The following DRC8 variants were observed in gnomAD, a reference collection of about 807,000 sequenced individuals.
DRC8 encodes the protein dynein regulatory complex subunit 8, also known as dynein regulatory complex protein 8.
the DRC8 span, chr1:244,970,604 T>G: frequency 2.6e-6 from 2 of 779,172 alleles, no homozygotes; most frequent in Non-Finnish European, 1.8e-6. Context: ...GCAGTCGCCC[T>G]GCCCCCGTCC....
chr1:244,983,816 T>C, the DRC8 span, among the ~76,000 whole-genome samples: 10 of 151,966 alleles, frequency 6.6e-5, no homozygotes, highest in African/African-American at 2.4e-4. Context: ...TTAATACTTA[T>C]GGTCACTATG....
the DRC8 span, among the ~76,000 whole-genome samples, chr1:245,039,113 A>G: frequency 6.7e-6 from 1 of 148,518 alleles, no homozygotes; most frequent in African/African-American, 2.5e-5. Context: ...CATTATTCAC[A>G]ATAGCCAATA....
the DRC8 span, among the ~76,000 whole-genome samples, chr1:245,048,159 GTGT>G: frequency 6.6e-6 from 1 of 152,122 alleles, no homozygotes. Flanking sequence ...AAGTGGGCTT[GTGT>G]TGTTCACACC....
chr1:245,069,337 T>C, the DRC8 span, among the ~76,000 whole-genome samples: 1 of 152,132 alleles, frequency 6.6e-6, no homozygotes, highest in Non-Finnish European at 1.5e-5. Context: ...AGCAAAAATA[T>C]AGTTACTATC....
At chr1:245,090,001 A>G in the DRC8 span, among the ~76,000 whole-genome samples, 10 of 152,186 alleles carry the variant, frequency 6.6e-5, no homozygotes, top group Non-Finnish European at 1.5e-4. Flanking sequence ...TGGGAGAAAG[A>G]GTTGAGAAAG....
chr1:245,104,503 T>TA, the DRC8 span, among the ~76,000 whole-genome samples: 16,434 of 117,596 alleles, frequency 0.14, 1,624 homozygotes, highest in African/African-American at 0.3. Context: ...GACTCTGTCA[T>TA]AAAAAAAAAA....
the DRC8 span, chr1:245,059,576 C>T: frequency 5.5e-6 from 4 of 722,426 alleles, no homozygotes; most frequent in Non-Finnish European, 9.0e-6. Context: ...TGAATGTGCT[C>T]AGTGGAAATA....
At chr1:245,029,827 C>T in the DRC8 span, among the ~76,000 whole-genome samples, 1 of 151,434 alleles carries the variant, frequency 6.6e-6, no homozygotes, top group South Asian at 2.1e-4. Context: ...AACTCCTGGC[C>T]TCAAGTGATC....
chr1:244,986,693 C>T, the DRC8 span, among the ~76,000 whole-genome samples: 5 of 150,106 alleles, frequency 3.3e-5, no homozygotes, highest in East Asian at 9.8e-4. Flanking sequence ...ATGATCACAC[C>T]TGTGAATAGC....
At chr1:244,975,860 A>AAAATAAAT in the DRC8 span, among the ~76,000 whole-genome samples, 3 of 152,034 alleles carry the variant, frequency 2.0e-5, no homozygotes, top group East Asian at 3.9e-4. Context: ...ACTCTGTCTC[A>AAAATAAAT]AAATAAATAA....
the DRC8 span, among the ~76,000 whole-genome samples, chr1:245,027,812 A>AT: frequency 2.8e-5 from 4 of 143,406 alleles, no homozygotes; most frequent in East Asian, 2.0e-4. Flanking sequence ...ACATTTTCTC[A>AT]TTTTTTTCTC....
At chr1:245,061,187 A>C in the DRC8 span, among the ~76,000 whole-genome samples, 1 of 152,344 alleles carries the variant, frequency 6.6e-6, no homozygotes. Context: ...GCTTCGTTTC[A>C]CATCTGCAAA....
At chr1:244,970,381 T>C in the DRC8 span, 2 of 1,533,740 alleles carry the variant, frequency 1.3e-6, no homozygotes, top group South Asian at 2.4e-5. Context: ...GCCGAGGTTA[T>C]CGTTAGGCAT....
the DRC8 span, among the ~76,000 whole-genome samples, chr1:244,978,421 A>G: frequency 6.8e-6 from 1 of 147,004 alleles, no homozygotes; most frequent in Non-Finnish European, 1.5e-5. Context: ...TGAACCCGGG[A>G]GGCGGAGGTT....
chr1:244,990,754 G>A, the DRC8 span, among the ~76,000 whole-genome samples: 1 of 151,738 alleles, frequency 6.6e-6, no homozygotes, highest in African/African-American at 2.4e-5. Context: ...TCCCACCTCA[G>A]CCTTCCTAGC....
At chr1:245,082,134 G>T in the DRC8 span, 2 of 1,612,896 alleles carry the variant, frequency 1.2e-6, no homozygotes, top group Admixed American at 3.3e-5. Context: ...ATTTCTTCCG[G>T]TGATGACAGA....
At chr1:245,101,982 G>A in the DRC8 span, among the ~76,000 whole-genome samples, 1 of 152,162 alleles carries the variant, frequency 6.6e-6, no homozygotes, top group Non-Finnish European at 1.5e-5. Context: ...CGAGATCAGG[G>A]CCAACAGTGG....
chr1:245,081,346 A>G, the DRC8 span, among the ~76,000 whole-genome samples: 1 of 151,914 alleles, frequency 6.6e-6, no homozygotes, highest in African/African-American at 2.4e-5. Context: ...TAGTTTTAGT[A>G]GAGACAGGGT....
the DRC8 span, among the ~76,000 whole-genome samples, chr1:245,056,943 A>AAAAAAAAAAG: frequency 6.6e-6 from 1 of 151,748 alleles, no homozygotes; most frequent in East Asian, 1.9e-4. Context: ...CTCAAAAAAA[A>AAAAAAAAAAG]AAAGAAAAAG....
Sources: allele counts gnomAD v4.1 joint callset (sites outside exome capture counted in the v4.1 genomes callset), GRCh38; gene constraint gnomAD v4.1.1; transcripts MANE v1.5; gene names NCBI Gene and HGNC (gene_info 2026-07-23, HGNC 2026-07-21).